E2F6: variants seen among roughly 807,000 people sequenced by gnomAD.
E2F6 encodes the protein E2F transcription factor 6.
A neutral mutation model predicts 31.5 loss-of-function variants in E2F6; 19 were observed. That is an observed-to-expected ratio of 0.60 (90% confidence interval 0.42 to 0.89). The LOEUF (loss-of-function observed/expected upper bound fraction) is 0.89, where lower values mean the gene tolerates loss of function less well. Ranked by LOEUF, E2F6 falls within the 40% of genes least tolerant of loss-of-function variation. E2F6 has a pLI of 0.00. For missense variants in E2F6, 269 were observed against 341.6 expected (o/e 0.79, Z 1.67); for synonymous variants, 121 against 127.7 (o/e 0.95, Z 0.36).
intron 6 of E2F6, 91 bp downstream of exon 6, chr2:11,447,536 G>A (rs1440336440): frequency 4.4e-4 from 616 of 1,387,476 alleles, no homozygotes; most frequent in Middle Eastern, 2.6e-4. Context: ...TTTGTGGCTA[G>A]GAAGAGTAAA....
chr2:11,452,965 T>G (rs1671164167), intron 3 of E2F6, among the ~76,000 whole-genome samples: 1 of 152,238 alleles, frequency 6.6e-6, no homozygotes, highest in Admixed American at 6.5e-5. Flanking sequence ...CTGGTAGGTT[T>G]TCATTTGCCT....
intron 2 of E2F6, among the ~76,000 whole-genome samples, chr2:11,454,379 C>T (rs137997392): frequency 4.0e-5 from 6 of 149,608 alleles, no homozygotes; most frequent in South Asian, 2.1e-4. Flanking sequence ...GAGAGAGTCT[C>T]GCTCTGTTGC....
At chr2:11,465,705 C>G (rs1672147835) in intron 1 of E2F6, 67 bp downstream of exon 1, 1 of 1,509,884 alleles carries the variant, frequency 6.6e-7, no homozygotes, top group Non-Finnish European at 9.0e-7. Flanking sequence ...GGGTTGGCGG[C>G]GGCGCGGGGA....
At chr2:11,449,920 A>G (rs113100743) in intron 5 of E2F6, 92 bp downstream of exon 5, 1 of 967,650 alleles carries the variant, frequency 1.0e-6, no homozygotes, top group Non-Finnish European at 1.6e-6. Context: ...ACGTGCACAC[A>G]ACGGCTCTTA....
chr2:11,454,341 G>A (rs1671263652), intron 2 of E2F6, among the ~76,000 whole-genome samples: 1 of 151,464 alleles, frequency 6.6e-6, no homozygotes, highest in African/African-American at 2.4e-5. Flanking sequence ...GAGCAACAGT[G>A]GTATCTCTCT....
At chr2:11,453,256 T>A (rs767624222) in intron 3 of E2F6, among the ~76,000 whole-genome samples, 3 of 152,160 alleles carry the variant, frequency 2.0e-5, no homozygotes, top group Non-Finnish European at 2.9e-5. Context: ...AGAATGTACT[T>A]TCCTGCTTTC....
At chr2:11,462,674 T>C (rs767826759) in intron 1 of E2F6, among the ~76,000 whole-genome samples, 13 of 152,054 alleles carry the variant, frequency 8.5e-5, no homozygotes, top group South Asian at 8.3e-4. Context: ...ACCGTGACAG[T>C]TGGTCTGAGA....
intron 3 of E2F6, 146 bp from the exon 4 acceptor site, chr2:11,451,952 T>C: frequency 1.4e-6 from 1 of 739,654 alleles, no homozygotes; most frequent in South Asian, 1.7e-5. Context: ...TCTGCCGTCT[T>C]TGTTCTAGAC....
chr2:11,459,287 A>G (rs1349373324), intron 1 of E2F6, among the ~76,000 whole-genome samples: 3 of 152,096 alleles, frequency 2.0e-5, no homozygotes, highest in African/African-American at 7.2e-5. Context: ...TATGCATTCT[A>G]GGGTGTCTTC....
chr2:11,461,454 T>C (rs1371851558), intron 1 of E2F6, among the ~76,000 whole-genome samples: 4 of 152,190 alleles, frequency 2.6e-5, no homozygotes, highest in African/African-American at 9.6e-5. Context: ...TGGGTTCAAG[T>C]GATTCTTCTG....
At position 11,454,037 on chromosome 2, in the gene E2F6, A is replaced by AC. The variant is rs539915281; in HGVS notation, c.164-240dup. 4.3e-4 allele frequency among the ~76,000 whole-genome samples: 66 copies of AC among 152,302 alleles called. 3 individuals are homozygous for AC. The South Asian group carries it at 0.014, about 32-fold the overall frequency. Reference sequence around the variant, plus strand: ...AACAAAGGAGGATTTGAAATATGCAACCAGTGTCCACCGAACATGTGGACT... The same window carrying AC: ...AACAAAGGAGGATTTGAAATATGCAACCCAGTGTCCACCGAACATGTGGACT... On this transcript the variant is annotated intron_variant, in intron 2 of 6. Transcript: ENST00000381525.
At position 11,454,872 on chromosome 2, in the gene E2F6, T is replaced by C. The variant is rs142746497; in HGVS notation, c.164-1074A>G. ...TGCAACACGTTCTTTTAACTCCATA[T>C]TGTGAACATCCTGACATGTCAACAA... On this transcript the variant is annotated intron_variant, in intron 2 of 6. Coordinates refer to ENST00000381525, the MANE Select transcript of E2F6 (RefSeq NM_198256.4). 7.9e-5 allele frequency among the ~76,000 whole-genome samples: 12 copies of C among 152,338 alleles called. 2 individuals are homozygous for C. Among genetic ancestry groups the C allele is most frequent in the African/African-American group, 2.9e-4 (12 of 41,574 alleles).
At chr2:11,457,771 A>AT (rs777551558) in intron 1 of E2F6, among the ~76,000 whole-genome samples, 14 of 152,238 alleles carry the variant, frequency 9.2e-5, no homozygotes, top group Non-Finnish European at 1.9e-4. Context: ...ACTCCTTGCT[A>AT]TTATTAAGTA....
At chr2:11,446,643 G>A in intron 6 of E2F6, 120 bp from the exon 7 acceptor site, 1 of 778,668 alleles carries the variant, frequency 1.3e-6, no homozygotes, top group Non-Finnish European at 2.1e-6. Flanking sequence ...AAGATGCCTG[G>A]TCAAGAACAC....
Position 11,445,599 on chromosome 2 carries a change from G to A in E2F6, c.*878C>T, listed in dbSNP as rs1396352240. On this transcript the variant is annotated 3_prime_UTR_variant, in exon 7 of 7. Coordinates refer to ENST00000381525, the MANE Select transcript of E2F6 (RefSeq NM_198256.4). Reference sequence around the variant, plus strand: ...TTACAAAATCTACTTGCAAAAACCTGAAAGGAGTTTCCAATTATCACCATG... The same window carrying A: ...TTACAAAATCTACTTGCAAAAACCTAAAAGGAGTTTCCAATTATCACCATG... 3 of 151,952 alleles carry A rather than the reference G, an allele frequency of 2.0e-5. No individual in the cohort carries two copies. The highest frequency in any genetic ancestry group is 7.3e-5 in the African/African-American group (3 of 41,368). The allele number at this position is 151,952 out of a possible 1,614,324, so 9.4% of individuals were successfully genotyped here.
At position 11,450,062 on chromosome 2, in the gene E2F6, C is replaced by T; in HGVS notation, c.601G>A (p.Ala201Thr). The change falls in exon 5 of 7, where the codon GCA (alanine) becomes ACA (threonine). Residue 201 changes from alanine (A) to threonine (T), a missense_variant. Coordinates refer to ENST00000381525, the MANE Select transcript of E2F6 (RefSeq NM_198256.4). ...IQAFHEQIVI[A>T]VKAPAETRLD... ...CTGGTTTCTGCTGGAGCTTTAACTG[C>T]AATGACGATCTGTTCATGGAAGGCC... 6.2e-7 allele frequency: 1 copy of T among 1,613,732 alleles called. No homozygotes were observed.
At chr2:11,454,031 T>A (rs1254445142) in intron 2 of E2F6, among the ~76,000 whole-genome samples, 1 of 152,162 alleles carries the variant, frequency 6.6e-6, no homozygotes, top group Non-Finnish European at 1.5e-5. Flanking sequence ...GGATTTGAAA[T>A]ATGCAACCAG....
At position 11,446,171 on chromosome 2, in the gene E2F6, T is replaced by C. The variant is rs1670699101; in HGVS notation, c.*306A>G. 7.8e-6 allele frequency: 3 copies of C among 385,356 alleles called. No individual in the cohort carries two copies. Among genetic ancestry groups the C allele is most frequent in the Non-Finnish European group, 1.4e-5 (3 of 211,764 alleles). 23.9% of individuals were successfully genotyped at this position (385,356 alleles called of 1,614,324 possible). A position where few individuals can be genotyped will look rare whatever the true frequency, so the allele number is the denominator to read the frequency against. The stretch of plus-strand genomic sequence containing the variant: ...GAAGGGTAGAGTCCACAAAGAACTG[T>C]CCATTTCAGCCTGACTGTCTGTCTT... On this transcript the variant is annotated 3_prime_UTR_variant, in exon 7 of 7. Transcript: ENST00000381525.
At chr2:11,456,367 C>G (rs965256590) in intron 2 of E2F6, among the ~76,000 whole-genome samples, 2 of 152,064 alleles carry the variant, frequency 1.3e-5, no homozygotes, top group African/African-American at 4.8e-5. Flanking sequence ...AGAAGGAGAC[C>G]CAGCAACTTC....
Sources: allele counts gnomAD v4.1 joint callset (sites outside exome capture counted in the v4.1 genomes callset), GRCh38; gene constraint gnomAD v4.1.1; transcripts MANE v1.5; gene names NCBI Gene and HGNC (gene_info 2026-07-23, HGNC 2026-07-21).